Variants in MIGA2 observed in about 807,000 individuals in gnomAD.
The protein encoded by MIGA2 is mitoguardin 2.
Under a neutral mutation model 69.9 loss-of-function variants are expected in MIGA2, and 36 were observed. The ratio of observed to expected loss-of-function variants is 0.52; its 90% confidence interval spans 0.39 to 0.68. The LOEUF is 0.68. MIGA2 is among the 30% of genes least tolerant of loss of function. MIGA2 has a pLI of 0.00. For missense variants in MIGA2, 660 were observed against 787.7 expected, an observed-to-expected ratio of 0.84 and a Z score of 1.94; for synonymous variants, 333 against 349.2, an observed-to-expected ratio of 0.95 and a Z score of 0.52.
At position 129,044,341 on chromosome 9, in the gene MIGA2, T is replaced by TA. The variant is rs959508029; in HGVS notation, c.307+1839dup. ...TCTCACTACTACACTTAACTAGTCT[T>TA]AAAAAAAAAAAAGAACTGTTCTATC... On this transcript the variant is annotated intron_variant, in intron 3 of 15. Transcript: ENST00000684074. 1.2e-3 allele frequency among the ~76,000 whole-genome samples: 174 copies of TA among 143,814 alleles called. 1 individual carries two copies. Among genetic ancestry groups the TA allele is most frequent in the Middle Eastern group, 3.6e-3 (1 of 276 alleles). The allele number at this position is 143,814 out of a possible 152,430, so 94.3% of individuals were successfully genotyped here.
chr9:129,048,053 T>C (rs562566345), intron 3 of MIGA2, among the ~76,000 whole-genome samples: 1 of 152,304 alleles, frequency 6.6e-6, no homozygotes, highest in African/African-American at 2.4e-5. Flanking sequence ...TTAAAAGTTG[T>C]CGTCTCACAT....
intron 2 of MIGA2, among the ~76,000 whole-genome samples, 185 bp downstream of exon 2, chr9:129,040,875 T>C (rs1229264457): frequency 6.6e-6 from 1 of 152,108 alleles, no homozygotes; most frequent in East Asian, 1.9e-4. Context: ...CTATACGAAC[T>C]CTTTTTTTTT....
chr9:129,050,414 A>AT (rs749741244), intron 6 of MIGA2, among the ~76,000 whole-genome samples: 3 of 151,842 alleles, frequency 2.0e-5, no homozygotes, highest in Admixed American at 1.3e-4. Context: ...AGCTGGGATT[A>AT]TAGGCGCCCG....
At chr9:129,064,311 A>G (rs1419993244) in intron 11 of MIGA2, among the ~76,000 whole-genome samples, 3 of 150,992 alleles carry the variant, frequency 2.0e-5, no homozygotes, top group Non-Finnish European at 4.4e-5. Context: ...GGTTCACACC[A>G]TTCTCCTGCC....
chr9:129,055,151 C>T (rs1484116699), intron 6 of MIGA2, among the ~76,000 whole-genome samples: 1 of 150,762 alleles, frequency 6.6e-6, no homozygotes, highest in African/African-American at 2.4e-5. Context: ...GATCTTGGCT[C>T]ACTGCAAGCT....
chr9:129,041,819 A>T (rs1014635890), intron 2 of MIGA2, among the ~76,000 whole-genome samples: 2 of 151,974 alleles, frequency 1.3e-5, no homozygotes, highest in African/African-American at 4.8e-5. Context: ...AATTGTTCAG[A>T]TGGGGTGGCA....
chr9:129,070,669 G>A lies in MIGA2; in HGVS notation c.*216G>A. 1.7e-6 allele frequency: 1 copy of A among 572,138 alleles called. No homozygotes were observed. Among genetic ancestry groups the A allele is most frequent in the South Asian group, 2.6e-5 (1 of 38,186 alleles). The allele number at this position is 572,138 out of a possible 1,614,324, so 35.4% of individuals were successfully genotyped here. ...CCAGTGGGGCCTGTGGGAGAGAAAG[G>A]CTGTGAGAGAGGGGGTTGTTGTGGA... On this transcript the variant is annotated 3_prime_UTR_variant, in exon 16 of 16. Coordinates refer to ENST00000684074, the MANE Select transcript of MIGA2 (RefSeq NM_001329990.2).
intron 3 of MIGA2, among the ~76,000 whole-genome samples, 199 bp from the exon 4 acceptor site, chr9:129,048,228 T>C (rs1366129835): frequency 6.6e-6 from 1 of 152,108 alleles, no homozygotes; most frequent in East Asian, 1.9e-4. Context: ...ATGGCAGGGA[T>C]GTGGTCATGA....
intron 4 of MIGA2, among the ~76,000 whole-genome samples, chr9:129,048,945 G>C (rs1473500996): frequency 1.3e-5 from 2 of 152,148 alleles, no homozygotes; most frequent in African/African-American, 2.4e-5. Flanking sequence ...TCCCAGCTAT[G>C]AGCCAGGCTG....
At chr9:129,063,166 C>A in intron 9 of MIGA2, 78 bp from the exon 10 acceptor site, 8 of 1,480,692 alleles carry the variant, frequency 5.4e-6, no homozygotes, top group Non-Finnish European at 6.6e-6. Flanking sequence ...CCCCCCTCCC[C>A]ACCCAGGTGC....
In MIGA2 at chr9:129,069,018, G is replaced by T. The variant is rs955236660; in HGVS notation, c.1405-58G>T. On this transcript the variant is annotated intron_variant, in intron 13 of 15. Coordinates refer to ENST00000684074, the MANE Select transcript of MIGA2 (RefSeq NM_001329990.2). This position sits in a 1 kb window ranked among gnomAD's most constrained non-coding sequence, Gnocchi z 4.9. ...GCTTGGTGCTGGGCTGGCAGAGGGC[G>T]AGGGGCTGTGGGCTAGGCCCATTTT... 9.4e-6 allele frequency: 15 copies of T among 1,603,714 alleles called. No homozygotes were observed. In the Admixed American group the frequency reaches 1.8e-4, roughly 20 times the overall value.
Position 129,052,327 on chromosome 9 carries a change from T to C in MIGA2, c.675+2364T>C, listed in dbSNP as rs181082499. 1.9e-3 allele frequency among the ~76,000 whole-genome samples: 274 copies of C among 147,178 alleles called. 1 individual carries two copies. The highest frequency in any genetic ancestry group is 6.6e-3 in the African/African-American group (261 of 39,676). On this transcript the variant is annotated intron_variant, in intron 6 of 15. Transcript: ENST00000684074. ...TAGTAGAGATGGGGTTTTACCATGT[T>C]GGCCAGGGTGGTCTCGAACTCCTAA...
At position 129,070,281 on chromosome 9, in the gene MIGA2, A is replaced by G. The variant is rs759289855; in HGVS notation, c.1610A>G (p.Asp537Gly). The change falls in exon 16 of 16, where the codon GAC (aspartate) becomes GGC (glycine). Residue 537 changes from aspartate to glycine, a missense_variant. Physicochemically the swap from Asp to Gly is moderately conservative, Grantham distance 94. This residue lies in a region of MIGA2 where 220 missense variants were observed against 301.7 expected (regional missense o/e 0.73). Coordinates refer to ENST00000684074, the MANE Select transcript of MIGA2 (RefSeq NM_001329990.2). ...QIVQYLRDMF[D>G]LDNVRYTSLP... ...GTGCAGTACCTGAGGGACATGTTCG[A>G]CCTGGACAATGTGCGCTACACGTCA... 1.9e-6 allele frequency: 3 copies of G among 1,612,978 alleles called. No homozygotes were observed. The African/African-American group carries it at 4.0e-5, about 22-fold the overall frequency.
chr9:129,067,718 C>T, intron 11 of MIGA2, 55 bp from the exon 12 acceptor site: 1 of 1,514,788 alleles, frequency 6.6e-7, no homozygotes, highest in East Asian at 2.4e-5. Context: ...CACAGGCCAG[C>T]CTGTCCCTGT....
intron 11 of MIGA2, 24 bp downstream of exon 11, chr9:129,063,655 G>GGGGGGGGGGGGGGGGGGGC: frequency 2.3e-5 from 15 of 645,584 alleles, no homozygotes; most frequent in Middle Eastern, 2.7e-4. Flanking sequence ...GGGTGGGGGG[G>GGGGGGGGGGGGGGGGGGGC]CAAATTATAA....
At chr9:129,049,742 C>A in intron 5 of MIGA2, 85 bp from the exon 6 acceptor site, 1 of 1,599,788 alleles carries the variant, frequency 6.3e-7, no homozygotes, top group Non-Finnish European at 8.5e-7. Context: ...CTTCAAGGCC[C>A]TCCTGCCTCC....
chr9:129,050,093 C>G (rs1845441617), intron 6 of MIGA2, 130 bp downstream of exon 6: 6 of 1,253,860 alleles, frequency 4.8e-6, no homozygotes, highest in African/African-American at 1.5e-5. Context: ...ATGAGGGTGT[C>G]TTGATGTGAA....
chr9:129,038,016 G>C, intron 1 of MIGA2, among the ~76,000 whole-genome samples: 1 of 152,206 alleles, frequency 6.6e-6, no homozygotes, highest in East Asian at 1.9e-4. Context: ...TGGAATAAGA[G>C]CTTGGGAAAT....
chr9:129,043,078 C>T (rs1291960687), intron 3 of MIGA2, among the ~76,000 whole-genome samples: 2 of 151,830 alleles, frequency 1.3e-5, no homozygotes, highest in Non-Finnish European at 2.9e-5. Context: ...CCTGTAATCC[C>T]AGCTACTCAG....
Sources: gnomAD v4.1 joint callset for allele counts (sites outside exome capture counted in the v4.1 genomes callset) on GRCh38, gnomAD v4.1.1 for gene constraint, gnomAD v4.1.1 regional missense constraint, Gnocchi (gnomAD v3.1) non-coding constraint, MANE v1.5 for transcripts, NCBI Gene and HGNC (gene_info 2026-07-23, HGNC 2026-07-21) for gene names.